Variants in NLRP5 observed in about 807,000 individuals in gnomAD.
NLRP5 encodes the protein NACHT, LRR and PYD domains-containing protein 5.
In NLRP5, 93 loss-of-function variants were observed where a neutral mutation model predicts 113.1. The ratio of observed to expected loss-of-function variants is 0.82; its 90% CI spans 0.70 to 0.98. The LOEUF (loss-of-function observed/expected upper bound fraction) is 0.98, where lower values mean the gene tolerates loss of function less well. Ranked by LOEUF, NLRP5 falls within the 50% of genes least tolerant of loss-of-function variation. The pLI is 0.00. For synonymous variants in NLRP5, 751 were observed against 600.7 expected, an observed-to-expected ratio of 1.25 and a Z score of -3.66; for missense variants, 1,808 against 1,514.3, an observed-to-expected ratio of 1.19 and a Z score of -3.22.
At chr19:56,009,167 C>T (rs1568483803) in intron 3 of NLRP5, among the ~76,000 whole-genome samples, 1 of 151,414 alleles carries the variant, frequency 6.6e-6, no homozygotes, top group African/African-American at 2.4e-5. Flanking sequence ...GGTGAAACGT[C>T]GTCTCTACTA....
upstream of NLRP5, among the ~76,000 whole-genome samples, chr19:55,998,684 A>ATGTG (rs1203915046): frequency 7.3e-4 from 60 of 81,996 alleles, no homozygotes; most frequent in African/African-American, 5.2e-3. Context: ...ATATATATAT[A>ATGTG]TATATATATA....
intron 8 of NLRP5, 28 bp from the exon 9 acceptor site, chr19:56,033,514 C>T (rs777682612): frequency 5.7e-6 from 9 of 1,573,556 alleles, no homozygotes; most frequent in South Asian, 1.1e-5. Context: ...TCACCAGTGT[C>T]GAATGTGTCT....
chr19:56,026,550 T>C (rs866599136), intron 6 of NLRP5, among the ~76,000 whole-genome samples: 3 of 85,154 alleles, frequency 3.5e-5, no homozygotes, highest in African/African-American at 1.2e-4. Context: ...AAAAAAAAAA[T>C]AGACTGGCTT....
chr19:56,049,166 ATATTTATTTATTTATT>A (rs3974178), intron 11 of NLRP5, among the ~76,000 whole-genome samples: 5 of 139,426 alleles, frequency 3.6e-5, no homozygotes, highest in East Asian at 2.1e-4. Flanking sequence ...TTTATTTTTT[ATATTTATTTATTTATT>A]TATTTATTTA....
chr19:56,053,795 C>T lies in NLRP5; in HGVS notation c.3286C>T (p.Leu1096=), dbSNP rs750943866. Residue 1096 remains leucine, a synonymous_variant, in exon 13 of 15, where the codon CTG becomes TTG. Coordinates refer to ENST00000390649, the MANE Select transcript of NLRP5 (RefSeq NM_153447.4). Reference sequence around the variant, plus strand: ...GGGACTGAAGCAAAAGAACAGTGTTCTGGCGAGACTCGGGTAACTTCCTGG... The same window carrying T: ...GGGACTGAAGCAAAAGAACAGTGTTTTGGCGAGACTCGGGTAACTTCCTGG... The T allele has an allele frequency of 6.2e-7, 1 of 1,613,608 alleles. No individual in the cohort carries two copies. The highest frequency in any genetic ancestry group is 1.7e-5 in the Admixed American group (1 of 59,988).
At position 56,058,349 on chromosome 19, in the gene NLRP5, A is replaced by G. The variant is rs1984234662; in HGVS notation, c.3409A>G (p.Lys1137Glu). 6 of 1,614,028 alleles carry G rather than the reference A, an allele frequency of 3.7e-6. No homozygotes were observed. In the Admixed American group the frequency reaches 8.3e-5, roughly 22 times the overall value. The change falls in exon 14 of 15, where the codon AAA becomes GAA. Residue 1137 changes from lysine to glutamate, a missense_variant. Transcript: ENST00000390649. ...CCTGGTGCAGAATAACTTCAGTCCC[A>G]AAGGAATGATGAAGCTGTGTTCGGC...
chr19:56,005,567 ATATT>A (rs978351205), intron 2 of NLRP5, among the ~76,000 whole-genome samples: 11 of 118,582 alleles, frequency 9.3e-5, no homozygotes, highest in African/African-American at 3.2e-4. Context: ...ACACACATAT[ATATT>A]TATACACACA....
chr19:56,038,220 G>T lies in NLRP5; in HGVS notation c.2786+25G>T, dbSNP rs776651926. The stretch of plus-strand genomic sequence containing the variant: ...TGTGAGTGCCACTTCCTTTCCACCA[G>T]GATTATCGTAACTTCCACCAGGATT... On this transcript the variant is annotated intron_variant, in intron 10 of 14. Transcript: ENST00000390649. The T allele has an allele frequency of 6.3e-6, 10 of 1,579,606 alleles. No individual in the cohort carries two copies. The South Asian group carries it at 1.1e-4, about 18-fold the overall frequency.
intron 1 of NLRP5, among the ~76,000 whole-genome samples, chr19:56,001,650 T>TA (rs1160655294): frequency 6.6e-6 from 1 of 152,126 alleles, no homozygotes; most frequent in East Asian, 1.9e-4. Flanking sequence ...AAATCCGTGT[T>TA]AACAGAAACC....
At chr19:56,022,647 A>G (rs1982658833) in intron 6 of NLRP5, among the ~76,000 whole-genome samples, 1 of 152,066 alleles carries the variant, frequency 6.6e-6, no homozygotes, top group South Asian at 2.1e-4. Flanking sequence ...TAGGATCACA[A>G]ACACAACCTT....
chr19:56,007,894 T>TGTGCAC (rs1341657261), intron 2 of NLRP5, among the ~76,000 whole-genome samples: 1 of 26,256 alleles, frequency 3.8e-5, no homozygotes, highest in East Asian at 1.3e-3. Flanking sequence ...TGTGTGCGCG[T>TGTGCAC]GCGCGCGTGC....
At chr19:56,044,838 G>A (rs142347196) in intron 11 of NLRP5, among the ~76,000 whole-genome samples, 1 of 152,208 alleles carries the variant, frequency 6.6e-6, no homozygotes, top group East Asian at 1.9e-4. Flanking sequence ...CCATCCATGA[G>A]CATGGGATGT....
chr19:56,057,520 A>G (rs1284903591), intron 13 of NLRP5, among the ~76,000 whole-genome samples: 2 of 152,122 alleles, frequency 1.3e-5, no homozygotes, highest in Non-Finnish European at 2.9e-5. Context: ...ATTTTTTTAT[A>G]TCAATGCATA....
Position 56,007,900 on chromosome 19 carries a change from CGTGCGTGT to C in NLRP5, c.443-884_443-877del, listed in dbSNP as rs1270017186. Reference sequence around the variant, plus strand: ...GTGTGTGTGTGTGTGCGCGTGCGCGCGTGCGTGTGTGTGTGTGTGTGTGTGTGTGTGTG... The same window carrying C: ...GTGTGTGTGTGTGTGCGCGTGCGCGCGTGTGTGTGTGTGTGTGTGTGTGTG... On this transcript the variant is annotated intron_variant, in intron 2 of 14. Transcript: ENST00000390649. Among the ~76,000 whole-genome samples, 3 of 79,424 alleles carry C rather than the reference CGTGCGTGT, an allele frequency of 3.8e-5. 1 individual carries two copies. Among genetic ancestry groups the C allele is most frequent in the African/African-American group, 1.8e-4 (3 of 16,542 alleles). The allele number at this position is 79,424 out of a possible 152,430, so 52.1% of individuals were successfully genotyped here.
intron 11 of NLRP5, among the ~76,000 whole-genome samples, chr19:56,044,725 T>G (rs1983659360): frequency 6.6e-6 from 1 of 152,192 alleles, no homozygotes; most frequent in South Asian, 2.1e-4. Flanking sequence ...AATTTTAGAA[T>G]TGTTTAATTC....
rs118073338 is a variant in NLRP5, at chr19:56,058,698, T to C, written c.3470+288T>C. Among the ~76,000 whole-genome samples, 1,078 of 152,304 alleles carry C rather than the reference T, an allele frequency of 7.1e-3. 6 individuals carry two copies. The highest frequency in any genetic ancestry group is 9.4e-3 in the Admixed American group (143 of 15,288). Reference sequence around the variant, plus strand: ...TTTATGCTGAAAAAACTAGAATTGCTATATGATCCAGCAATCTTACTTCTG... The same window carrying C: ...TTTATGCTGAAAAAACTAGAATTGCCATATGATCCAGCAATCTTACTTCTG... On this transcript the variant is annotated intron_variant, in intron 14 of 14. Transcript: ENST00000390649.
At position 56,027,961 on chromosome 19, in the gene NLRP5, T is replaced by C. The variant is rs534788644; in HGVS notation, c.1728T>C (p.Cys576=). ...ACATCCTTCTCCCAGACAGCCACTG[T>C]GAGGAGTACTACACCTTCTTCCACC... The change falls in exon 7 of 15, where the codon TGT becomes TGC. Residue 576 remains cysteine, a synonymous_variant. Transcript: ENST00000390649. 8.1e-5 allele frequency: 130 copies of C among 1,613,962 alleles called. No homozygotes were observed. The highest frequency in any genetic ancestry group is 9.1e-5 in the Non-Finnish European group (107 of 1,179,872).
At chr19:56,054,264 G>A (rs1469749768) in intron 13 of NLRP5, among the ~76,000 whole-genome samples, 2 of 152,046 alleles carry the variant, frequency 1.3e-5, no homozygotes, top group African/African-American at 4.8e-5. Flanking sequence ...GCCATGAAAA[G>A]AAAAGTGCTG....
chr19:56,031,446 T>A (rs1983109876), intron 7 of NLRP5, among the ~76,000 whole-genome samples: 1 of 151,902 alleles, frequency 6.6e-6, no homozygotes, highest in South Asian at 2.1e-4. Flanking sequence ...CTGGCCAACA[T>A]GGTGAAACCC....
Sources: gnomAD v4.1 joint callset for allele counts (sites outside exome capture counted in the v4.1 genomes callset) on GRCh38, gnomAD v4.1.1 for gene constraint, MANE v1.5 for transcripts, NCBI Gene and HGNC (gene_info 2026-07-23, HGNC 2026-07-21) for gene names.